The following ADGRL4 variants were observed in gnomAD, a reference collection of about 807,000 sequenced individuals.
ADGRL4 encodes the protein adhesion G protein-coupled receptor L4.
Under a neutral mutation model 74.8 loss-of-function variants are expected in ADGRL4, and 90 were observed. The observed-to-expected ratio is 1.20, with a 90% CI of 1.02 to 1.43. ADGRL4 has a LOEUF of 1.43. Among genes scored for constraint, ADGRL4 ranks in the 40% most tolerant of loss-of-function variants. ADGRL4 has a pLI of 0.00. For synonymous variants in ADGRL4, 311 were observed against 279.2 expected, an observed-to-expected ratio of 1.11 and a Z score of -1.14; for missense variants, 881 against 814.3, an observed-to-expected ratio of 1.08 and a Z score of -1.00.
intron 2 of ADGRL4, among the ~76,000 whole-genome samples, chr1:78,987,547 A>C (rs574958224): frequency 6.6e-6 from 1 of 151,916 alleles, no homozygotes; most frequent in African/African-American, 2.4e-5. Context: ...AATCCACTGT[A>C]CTGAGAAAAA....
chr1:78,922,918 AG>A (rs1459363241), intron 8 of ADGRL4, among the ~76,000 whole-genome samples: 10 of 152,060 alleles, frequency 6.6e-5, no homozygotes, highest in African/African-American at 2.4e-4. Flanking sequence ...CAGCTCTTCA[AG>A]GATGATAGAA....
intron 12 of ADGRL4, among the ~76,000 whole-genome samples, chr1:78,902,117 G>T (rs1648533224): frequency 6.6e-6 from 1 of 152,038 alleles, no homozygotes; most frequent in African/African-American, 2.4e-5. Flanking sequence ...TTATACTTTA[G>T]AAAACAGCAA....
At chr1:78,973,042 A>G (rs886089599) in intron 2 of ADGRL4, among the ~76,000 whole-genome samples, 1 of 152,210 alleles carries the variant, frequency 6.6e-6, no homozygotes. Context: ...TGTTAGCATT[A>G]GCATTTTCTC....
At chr1:78,951,048 A>G (rs1468347844) in intron 2 of ADGRL4, among the ~76,000 whole-genome samples, 4 of 152,160 alleles carry the variant, frequency 2.6e-5, no homozygotes, top group African/African-American at 7.2e-5. Context: ...CTTCCAGAGC[A>G]TGAGTCAGAT....
At chr1:78,990,568 G>A (rs1246495117) in intron 2 of ADGRL4, among the ~76,000 whole-genome samples, 1 of 151,788 alleles carries the variant, frequency 6.6e-6, no homozygotes, top group Non-Finnish European at 1.5e-5. Context: ...AGTATAAAGG[G>A]ATTGTTGACT....
intron 8 of ADGRL4, among the ~76,000 whole-genome samples, chr1:78,923,387 T>C (rs1282429019): frequency 6.6e-6 from 1 of 152,056 alleles, no homozygotes; most frequent in Non-Finnish European, 1.5e-5. Context: ...CAAAATAAAC[T>C]GCTTTTGGGT....
chr1:78,973,406 A>G (rs974621143), intron 2 of ADGRL4, among the ~76,000 whole-genome samples: 15 of 151,912 alleles, frequency 9.9e-5, no homozygotes, highest in Admixed American at 9.9e-4. Flanking sequence ...AACGTTTCAC[A>G]TAAGCATATG....
chr1:78,943,576 T>G (rs999091023), intron 3 of ADGRL4, among the ~76,000 whole-genome samples: 2 of 152,212 alleles, frequency 1.3e-5, no homozygotes, highest in African/African-American at 4.8e-5. Flanking sequence ...GAGATTTTAA[T>G]GACTATAATT....
intron 2 of ADGRL4, among the ~76,000 whole-genome samples, chr1:78,970,686 C>T (rs1162488770): frequency 6.6e-6 from 1 of 152,164 alleles, no homozygotes; most frequent in Non-Finnish European, 1.5e-5. Context: ...CAGTCTGTAC[C>T]ACTTTTGAAT....
intron 8 of ADGRL4, among the ~76,000 whole-genome samples, chr1:78,924,185 G>T (rs768701411): frequency 2.8e-4 from 43 of 151,926 alleles, no homozygotes; most frequent in Non-Finnish European, 5.7e-4. Flanking sequence ...ATATGAACGA[G>T]ATCTAGAAAG....
chr1:78,971,095 A>T (rs1016726303), intron 2 of ADGRL4, among the ~76,000 whole-genome samples: 1 of 152,074 alleles, frequency 6.6e-6, no homozygotes, highest in African/African-American at 2.4e-5. Context: ...CCAAATGGTC[A>T]TGCAGTCATG....
chr1:78,963,681 T>C (rs952373193), intron 2 of ADGRL4, among the ~76,000 whole-genome samples: 4 of 152,200 alleles, frequency 2.6e-5, no homozygotes, highest in African/African-American at 9.7e-5. Context: ...TCTCACATCA[T>C]TAGTCTTGTG....
chr1:78,989,900 T>C (rs57126585), intron 2 of ADGRL4, among the ~76,000 whole-genome samples: 1,907 of 152,036 alleles, frequency 0.013, 35 homozygotes, highest in African/African-American at 0.044. Context: ...TCCACAGATG[T>C]AGAAACTGGT....
chr1:78,953,678 T>G (rs553312932), intron 2 of ADGRL4, among the ~76,000 whole-genome samples: 1 of 152,282 alleles, frequency 6.6e-6, no homozygotes, highest in African/African-American at 2.4e-5. Context: ...CAAATACCAA[T>G]GAATTCAGGA....
intron 2 of ADGRL4, among the ~76,000 whole-genome samples, chr1:78,955,610 A>C (rs1414812855): frequency 6.6e-6 from 1 of 152,176 alleles, no homozygotes; most frequent in Non-Finnish European, 1.5e-5. Context: ...TCAGTGTAAA[A>C]TGTGAAGTTG....
intron 7 of ADGRL4, among the ~76,000 whole-genome samples, chr1:78,935,019 A>T (rs1649323760): frequency 6.6e-6 from 1 of 152,224 alleles, no homozygotes; most frequent in African/African-American, 2.4e-5. Flanking sequence ...CTAGAACCAG[A>T]GACACCCTAT....
At chr1:78,990,264 A>G (rs11162585) in intron 2 of ADGRL4, among the ~76,000 whole-genome samples, 91,921 of 151,688 alleles carry the variant, frequency 0.61, 28,171 homozygotes, top group South Asian at 0.69. Flanking sequence ...TAAGTGTGTC[A>G]TATTTCTATC....
At chr1:79,004,847 G>A (rs1650926516) in intron 2 of ADGRL4, among the ~76,000 whole-genome samples, 1 of 152,026 alleles carries the variant, frequency 6.6e-6, no homozygotes, top group South Asian at 2.1e-4. Context: ...TTTAATATTT[G>A]CACCAAAAAA....
chr1:78,891,734 T>TA (rs1557487638), intron 13 of ADGRL4, 42 bp from the exon 14 acceptor site: 1 of 1,531,530 alleles, frequency 6.5e-7, no homozygotes, highest in Non-Finnish European at 8.9e-7. Flanking sequence ...AAGCTACGTA[T>TA]AGTCAACATA....
Sources: gnomAD v4.1 joint callset for allele counts (sites outside exome capture counted in the v4.1 genomes callset) on GRCh38, gnomAD v4.1.1 for gene constraint, MANE v1.5 for transcripts, NCBI Gene and HGNC (gene_info 2026-07-23, HGNC 2026-07-21) for gene names.